HMGA2: variants seen among roughly 807,000 people sequenced by gnomAD.
The protein encoded by HMGA2 is high mobility group AT-hook 2, also known as high mobility group protein HMGI-C.
HMGA2 carries 8 observed loss-of-function variants against 19.1 expected under a neutral mutation model. The ratio of observed to expected loss-of-function variants is 0.42; its 90% CI spans 0.25 to 0.76. The LOEUF is 0.76. HMGA2 is among the 30% of genes least tolerant of loss of function. The pLI is 0.28. For synonymous variants in HMGA2, 60 were observed against 48.8 expected, an observed-to-expected ratio of 1.23 and a Z score of -0.96; for missense variants, 109 against 136.3, an observed-to-expected ratio of 0.80 and a Z score of 1.00.
At chr12:65,863,355 TG>T (rs1190922533) in intron 3 of HMGA2, among the ~76,000 whole-genome samples, 3 of 152,190 alleles carry the variant, frequency 2.0e-5, no homozygotes, top group African/African-American at 7.2e-5. Context: ...GGTGAACATC[TG>T]TAAAGAAGAA....
At chr12:65,941,092 G>A (rs938724573) in intron 3 of HMGA2, among the ~76,000 whole-genome samples, 9 of 152,136 alleles carry the variant, frequency 5.9e-5, no homozygotes, top group Non-Finnish European at 7.4e-5. Context: ...TTAAGTTAAC[G>A]GAATGCTGAA....
At chr12:65,838,135 T>G (rs1870811831) in intron 2 of HMGA2, among the ~76,000 whole-genome samples, 1 of 152,170 alleles carries the variant, frequency 6.6e-6, no homozygotes, top group Non-Finnish European at 1.5e-5. Flanking sequence ...TTGATCATCT[T>G]AAGAAATATT....
Position 65,965,074 on chromosome 12 carries a change from G to T in HMGA2, c.*1782G>T, listed in dbSNP as rs1046363950. 119 of 190,680 alleles carry T rather than the reference G, an allele frequency of 6.2e-4. 1 individual carries two copies. Among genetic ancestry groups the T allele is most frequent in the Non-Finnish European group, 8.8e-5 (8 of 90,676 alleles). 11.8% of individuals were successfully genotyped at this position (190,680 alleles called of 1,614,324 possible). ...CCTAGTCAAAACTATTTTTGTAAAA[G>T]ACATTTGATAGAAAGGAACACGTTT... On this transcript the variant is annotated 3_prime_UTR_variant, in exon 5 of 5. Transcript: ENST00000403681.
At chr12:65,879,427 G>A (rs1017875870) in intron 3 of HMGA2, among the ~76,000 whole-genome samples, 8 of 152,108 alleles carry the variant, frequency 5.3e-5, no homozygotes, top group African/African-American at 1.9e-4. Context: ...ACCATGCCTG[G>A]CAATAAAGCA....
At chr12:65,842,829 C>T in intron 3 of HMGA2, 3 of 1,346,278 alleles carry the variant, frequency 2.2e-6, no homozygotes, top group Non-Finnish European at 1.9e-6. Flanking sequence ...CGTCACATAC[C>T]TAGTTTAGTG....
chr12:65,877,794 C>G (rs951856425), intron 3 of HMGA2, among the ~76,000 whole-genome samples: 21 of 150,706 alleles, frequency 1.4e-4, no homozygotes, highest in African/African-American at 5.2e-4. Context: ...TTTTAGGCCT[C>G]TTCCCTTTTG....
At chr12:65,958,289 T>C (rs1166967756) in intron 4 of HMGA2, 1 of 152,234 alleles carries the variant, frequency 6.6e-6, no homozygotes, top group Non-Finnish European at 1.5e-5. Flanking sequence ...TCAGGTACAA[T>C]TGCTGTCAAT....
At chr12:65,938,361 A>G (rs1875968308) in intron 3 of HMGA2, among the ~76,000 whole-genome samples, 1 of 152,220 alleles carries the variant, frequency 6.6e-6, no homozygotes. Flanking sequence ...TGTTATACCC[A>G]AAAGCATACA....
chr12:65,897,071 G>A (rs766073735), intron 3 of HMGA2, among the ~76,000 whole-genome samples: 1 of 152,200 alleles, frequency 6.6e-6, no homozygotes, highest in Non-Finnish European at 1.5e-5. Flanking sequence ...TATTTTAGGT[G>A]ATGAACACTA....
chr12:65,914,409 C>G (rs1237267749), intron 3 of HMGA2, among the ~76,000 whole-genome samples: 1 of 147,664 alleles, frequency 6.8e-6, no homozygotes, highest in African/African-American at 2.5e-5. Flanking sequence ...AACCAAACAC[C>G]GCATATTCTC....
chr12:65,874,782 T>C (rs934910680), intron 3 of HMGA2, among the ~76,000 whole-genome samples: 1 of 152,262 alleles, frequency 6.6e-6, no homozygotes, highest in Non-Finnish European at 1.5e-5. Context: ...ACAAGTACGC[T>C]TAAAAATAGT....
intron 3 of HMGA2, among the ~76,000 whole-genome samples, chr12:65,944,270 A>G (rs1876186307): frequency 6.6e-6 from 1 of 152,234 alleles, no homozygotes; most frequent in Non-Finnish European, 1.5e-5. Flanking sequence ...GACAGTTTTC[A>G]TTCTAGACCT....
In HMGA2 at chr12:65,965,973, A is replaced by G. The variant is rs1185920842; in HGVS notation, c.*2681A>G. 4.6e-6 allele frequency: 1 copy of G among 219,712 alleles called. No individual in the cohort carries two copies. Among genetic ancestry groups the G allele is most frequent in the South Asian group, 1.9e-4 (1 of 5,400 alleles). 13.6% of individuals were successfully genotyped at this position (219,712 alleles called of 1,614,324 possible). On this transcript the variant is annotated 3_prime_UTR_variant, in exon 5 of 5. Transcript: ENST00000403681. Reference sequence around the variant, plus strand: ...CTTTGCTGTTGTTGGTCGCAGCTACATAAGACTGGACATTTAACTTTTCTA... The same window carrying G: ...CTTTGCTGTTGTTGGTCGCAGCTACGTAAGACTGGACATTTAACTTTTCTA...
chr12:65,934,196 T>C (rs543553372), intron 3 of HMGA2, among the ~76,000 whole-genome samples: 31 of 152,196 alleles, frequency 2.0e-4, no homozygotes, highest in Admixed American at 2.6e-4. Context: ...TATTATTCCA[T>C]ATAATTGGAG....
At chr12:65,847,130 G>C (rs956984712) in intron 3 of HMGA2, among the ~76,000 whole-genome samples, 1 of 152,020 alleles carries the variant, frequency 6.6e-6, no homozygotes, top group South Asian at 2.1e-4. Flanking sequence ...AATTGGTTGT[G>C]CTATGTGCTG....
chr12:65,946,336 G>A (rs569489450), intron 3 of HMGA2, among the ~76,000 whole-genome samples: 1 of 152,022 alleles, frequency 6.6e-6, no homozygotes, highest in Non-Finnish European at 1.5e-5. Context: ...ACTACTGCCT[G>A]GCAAGAAGCA....
At chr12:65,848,534 T>C (rs548958497) in intron 3 of HMGA2, among the ~76,000 whole-genome samples, 1 of 152,288 alleles carries the variant, frequency 6.6e-6, no homozygotes, top group Non-Finnish European at 1.5e-5. Flanking sequence ...GTACTTCAGT[T>C]AGAATAATAG....
chr12:65,904,136 A>C lies in HMGA2; in HGVS notation c.250-47247A>C, dbSNP rs1874486280. Among the ~76,000 whole-genome samples, 4 of 152,360 alleles carry C rather than the reference A, an allele frequency of 2.6e-5. No individual in the cohort carries two copies. The South Asian group carries it at 8.3e-4, about 32-fold the overall frequency. The stretch of plus-strand genomic sequence containing the variant: ...TTAAATCATTAGCTTCATTTTCCAG[A>C]GGCCCTGGGCCAGGGACGTCTGACA... On this transcript the variant is annotated intron_variant, in intron 3 of 4. Transcript: ENST00000403681.
chr12:65,842,715 T>G, intron 3 of HMGA2: 1 of 1,469,424 alleles, frequency 6.8e-7, no homozygotes, highest in Non-Finnish European at 9.0e-7. Flanking sequence ...TACAGAGATG[T>G]GCTGATTCTC....
Sources: gnomAD v4.1 joint callset for allele counts (sites outside exome capture counted in the v4.1 genomes callset) on GRCh38, gnomAD v4.1.1 for gene constraint, MANE v1.5 for transcripts, NCBI Gene and HGNC (gene_info 2026-07-23, HGNC 2026-07-21) for gene names.